Variants in UGT2A1 observed in about 807,000 individuals in gnomAD.
UGT2A1 encodes UDP glucuronosyltransferase family 2 member A1 complex locus.
UGT2A1 carries 61 observed loss-of-function variants against 45.4 expected under a neutral mutation model. The observed-to-expected ratio is 1.34, with a 90% CI of 1.09 to 1.66. The LOEUF (loss-of-function observed/expected upper bound fraction) is 1.66, where lower values mean the gene tolerates loss of function less well. Ranked by LOEUF, UGT2A1 falls within the 40% of genes most tolerant of loss-of-function variation. The pLI is 0.00. For missense variants in UGT2A1, 649 were observed against 574.3 expected, an observed-to-expected ratio of 1.13 and a Z score of -1.33; for synonymous variants, 229 against 196.2, an observed-to-expected ratio of 1.17 and a Z score of -1.40.
chr4:69,651,665 A>G (rs1722530882), intron 1 of UGT2A1, among the ~76,000 whole-genome samples: 1 of 152,210 alleles, frequency 6.6e-6, no homozygotes, highest in East Asian at 1.9e-4. Flanking sequence ...CCAGGGAGAG[A>G]CAAGCTCTTT....
intron 3 of UGT2A1, among the ~76,000 whole-genome samples, chr4:69,619,005 T>C (rs1393526321): frequency 1.3e-5 from 2 of 151,762 alleles, no homozygotes; most frequent in Non-Finnish European, 1.5e-5. Context: ...CAATAATATA[T>C]GGAAAAAAGT....
chr4:69,618,752 GT>G (rs1459496435), intron 3 of UGT2A1, among the ~76,000 whole-genome samples: 2 of 151,822 alleles, frequency 1.3e-5, no homozygotes, highest in Non-Finnish European at 2.9e-5. Context: ...AAAGCCTTAA[GT>G]ATACTCCAAT....
At chr4:69,610,517 A>G (rs1487516195) in intron 3 of UGT2A1, among the ~76,000 whole-genome samples, 2 of 152,184 alleles carry the variant, frequency 1.3e-5, no homozygotes, top group African/African-American at 4.8e-5. Context: ...CTTTAAACAC[A>G]AACTTTAAAT....
chr4:69,616,581 G>A lies in UGT2A1; in HGVS notation c.848-17187C>T, dbSNP rs184882934. On this transcript the variant is annotated intron_variant, in intron 3 of 6. Coordinates refer to ENST00000286604, the MANE Select transcript of UGT2A1 (RefSeq NM_001252275.3). ...ACCCCACCAACAAAAAGGAACTGAAGTGTTTGCAACTTCCAGTTTACCATT... is the reference window on the plus strand; with the variant it reads ...ACCCCACCAACAAAAAGGAACTGAAATGTTTGCAACTTCCAGTTTACCATT... Among the ~76,000 whole-genome samples, 85 of 152,046 alleles carry A rather than the reference G, an allele frequency of 5.6e-4. 1 individual carries two copies. The East Asian group carries it at 0.016, about 28-fold the overall frequency.
chr4:69,608,590 A>T lies in UGT2A1; in HGVS notation c.848-9196T>A, dbSNP rs1189157379. 2.6e-5 allele frequency among the ~76,000 whole-genome samples: 4 copies of T among 152,220 alleles called. No homozygotes were observed. The East Asian group carries it at 7.7e-4, about 29-fold the overall frequency. On this transcript the variant is annotated intron_variant, in intron 3 of 6. Coordinates refer to ENST00000286604, the MANE Select transcript of UGT2A1 (RefSeq NM_001252275.3). Reference sequence around the variant, plus strand: ...AAAAAGAAAAAGAAAAAAAGAAAATAGGTAGGCTGAGAGGGAGTCAGGGAA... The same window carrying T: ...AAAAAGAAAAAGAAAAAAAGAAAATTGGTAGGCTGAGAGGGAGTCAGGGAA...
At chr4:69,638,428 T>G (rs1047585763) in intron 2 of UGT2A1, among the ~76,000 whole-genome samples, 1 of 152,104 alleles carries the variant, frequency 6.6e-6, no homozygotes, top group Non-Finnish European at 1.5e-5. Context: ...TGTGTAAAGA[T>G]AGAGAGACAG....
In UGT2A1 at chr4:69,626,040, G is replaced by A. The variant is rs190198133; in HGVS notation, c.847+9651C>T. ...TAATTCTATCATGTATGTCATGACT[G>A]TGAACTTGTCTGTTTAATAATATGC... On this transcript the variant is annotated intron_variant, in intron 3 of 6. Coordinates refer to ENST00000286604, the MANE Select transcript of UGT2A1 (RefSeq NM_001252275.3). 3.5e-4 allele frequency among the ~76,000 whole-genome samples: 53 copies of A among 151,620 alleles called. No homozygotes were observed. The East Asian group carries it at 8.1e-3, about 23-fold the overall frequency.
chr4:69,607,937 T>C (rs1220293123), intron 3 of UGT2A1, among the ~76,000 whole-genome samples: 2 of 152,160 alleles, frequency 1.3e-5, no homozygotes, highest in East Asian at 3.8e-4. Flanking sequence ...CTGGAGAGGA[T>C]GTCGAGAAAT....
At chr4:69,639,829 A>T (rs150141469) in intron 2 of UGT2A1, among the ~76,000 whole-genome samples, 1 of 152,048 alleles carries the variant, frequency 6.6e-6, no homozygotes, top group Non-Finnish European at 1.5e-5. Flanking sequence ...CAGAAATAAA[A>T]TCTGGTTCTT....
chr4:69,606,117 C>CA (rs200344288), intron 3 of UGT2A1, among the ~76,000 whole-genome samples: 31,955 of 134,048 alleles, frequency 0.24, 8,339 homozygotes, highest in Non-Finnish European at 0.29. Flanking sequence ...AGAGACACAA[C>CA]AAAAAAAGAG....
chr4:69,622,192 G>A (rs1455663629), intron 3 of UGT2A1, among the ~76,000 whole-genome samples: 2 of 151,580 alleles, frequency 1.3e-5, no homozygotes, highest in African/African-American at 4.8e-5. Context: ...TTTAACATAT[G>A]AGCTTAAAAT....
intron 3 of UGT2A1, among the ~76,000 whole-genome samples, chr4:69,612,005 C>T (rs867649744): frequency 1.3e-5 from 2 of 151,936 alleles, no homozygotes; most frequent in South Asian, 4.2e-4. Flanking sequence ...AAAATATATT[C>T]TCTCAGAATT....
At position 69,611,290 on chromosome 4, in the gene UGT2A1, C is replaced by T. The variant is rs377107340; in HGVS notation, c.848-11896G>A. The stretch of plus-strand genomic sequence containing the variant: ...TCTCCCAGTAGGTCACCTCCAAGTC[C>T]AGCTATTCTTAATGCTATTAATTTC... On this transcript the variant is annotated intron_variant, in intron 3 of 6. Transcript: ENST00000286604. Among the ~76,000 whole-genome samples the T allele has an allele frequency of 1.2e-4, 18 of 151,454 alleles. 1 individual carries two copies. The highest frequency in any genetic ancestry group is 4.1e-4 in the African/African-American group (17 of 41,166).
chr4:69,608,575 A>T lies in UGT2A1; in HGVS notation c.848-9181T>A, dbSNP rs996112234. 3.3e-5 allele frequency among the ~76,000 whole-genome samples: 5 copies of T among 152,120 alleles called. No individual in the cohort carries two copies. In the South Asian group the frequency reaches 1.0e-3, roughly 32 times the overall value. On this transcript the variant is annotated intron_variant, in intron 3 of 6. Coordinates refer to ENST00000286604, the MANE Select transcript of UGT2A1 (RefSeq NM_001252275.3). The stretch of plus-strand genomic sequence containing the variant: ...AACTTAAAGTATAATAAAAAGAAAA[A>T]GAAAAAAAGAAAATAGGTAGGCTGA...
intron 4 of UGT2A1, chr4:69,596,404 A>G: frequency 1.3e-6 from 2 of 1,536,216 alleles, no homozygotes; most frequent in Non-Finnish European, 1.8e-6. Context: ...TATATTTTCT[A>G]TTACAAAGGT....
chr4:69,595,693 A>G (rs1011093930), intron 4 of UGT2A1, among the ~76,000 whole-genome samples: 1 of 152,232 alleles, frequency 6.6e-6, no homozygotes, highest in African/African-American at 2.4e-5. Context: ...ATTGAATAAC[A>G]TAAGTCAGAA....
Position 69,599,337 on chromosome 4 carries a change from G to T in UGT2A1, c.905C>A (p.Thr302Lys), listed in dbSNP as rs1171270173. Residue 302 changes from threonine (T) to lysine (K), a missense_variant, in exon 4 of 7, where the codon ACA becomes AAA. Physicochemically the swap from Thr to Lys is moderately conservative, Grantham distance 78. Transcript: ENST00000286604. The stretch of plus-strand genomic sequence containing the variant: ...ACGAGGAAATTCAAAATCCCAATAT[G>T]TTCGGATTAACCAAATTTCAGCTTT... ...MGKAEIWLIR[T>K]YWDFEFPRPY... The T allele has an allele frequency of 6.2e-7, 1 of 1,613,774 alleles. No individual in the cohort carries two copies. Among genetic ancestry groups the T allele is most frequent in the Non-Finnish European group, 8.5e-7 (1 of 1,179,900 alleles).
At chr4:69,589,759 T>C (rs1290198077) in intron 6 of UGT2A1, 108 bp from the exon 7 acceptor site, 3 of 1,448,112 alleles carry the variant, frequency 2.1e-6, no homozygotes, top group South Asian at 1.4e-5. Context: ...CATAGTTACG[T>C]GGAGAAAATA....
At position 69,615,014 on chromosome 4, in the gene UGT2A1, T is replaced by C. The variant is rs571676841; in HGVS notation, c.848-15620A>G. Among the ~76,000 whole-genome samples, 474 of 151,960 alleles carry C rather than the reference T, an allele frequency of 3.1e-3. 2 individuals are homozygous for C. The highest frequency in any genetic ancestry group is 2.6e-3 in the Non-Finnish European group (177 of 67,916). On this transcript the variant is annotated intron_variant, in intron 3 of 6. Coordinates refer to ENST00000286604, the MANE Select transcript of UGT2A1 (RefSeq NM_001252275.3). ...AAATTGCTACACACTTTTAAACAGC[T>C]ATATCTCATGAGAACTCACTATCAC...
Sources: allele counts gnomAD v4.1 joint callset (sites outside exome capture counted in the v4.1 genomes callset), GRCh38; gene constraint gnomAD v4.1.1; transcripts MANE v1.5; gene names NCBI Gene and HGNC (gene_info 2026-07-23, HGNC 2026-07-21).